CDH13: variants seen among roughly 807,000 people sequenced by gnomAD.
The protein encoded by CDH13 is cadherin 13, also known as cadherin-13.
CDH13 carries 24 observed loss-of-function variants against 63.8 expected under a neutral mutation model. The ratio of observed to expected loss-of-function variants is 0.38; its 90% confidence interval spans 0.27 to 0.53. CDH13 has a LOEUF of 0.53. Among genes scored for constraint, CDH13 ranks in the 20% least tolerant of loss-of-function variants. The pLI is 0.85. For missense variants in CDH13, 1,049 were observed against 903.1 expected (o/e 1.16, Z -2.07); for synonymous variants, 503 against 355.3 (o/e 1.42, Z -4.67).
intron 7 of CDH13, among the ~76,000 whole-genome samples, chr16:83,576,176 CCA>C (rs1567778083): frequency 6.6e-6 from 1 of 152,186 alleles, no homozygotes; most frequent in East Asian, 1.9e-4. Context: ...CTCCCTGACC[CCA>C]GTCCCTGGCT....
At chr16:82,926,237 T>TATTTAAA (rs2042300761) in intron 2 of CDH13, among the ~76,000 whole-genome samples, 4 of 148,906 alleles carry the variant, frequency 2.7e-5, no homozygotes, top group Admixed American at 2.7e-4. Context: ...CCCTAGACAA[T>TATTTAAA]ATTTAAAATG....
intron 6 of CDH13, among the ~76,000 whole-genome samples, chr16:83,366,172 C>T (rs2091254154): frequency 6.6e-6 from 1 of 152,166 alleles, no homozygotes; most frequent in Admixed American, 6.5e-5. Context: ...AAAGCACACA[C>T]ATTCATAAAC....
intron 5 of CDH13, among the ~76,000 whole-genome samples, chr16:83,251,177 A>T (rs921306655): frequency 6.6e-6 from 1 of 152,126 alleles, no homozygotes; most frequent in Non-Finnish European, 1.5e-5. Flanking sequence ...AGATATTGCC[A>T]TTGGGGGAAA....
At chr16:83,056,545 G>A (rs767985097) in intron 3 of CDH13, among the ~76,000 whole-genome samples, 8 of 152,108 alleles carry the variant, frequency 5.3e-5, no homozygotes, top group Non-Finnish European at 7.3e-5. Flanking sequence ...AAGCCAGATA[G>A]GGAAGGGAAT....
intron 5 of CDH13, among the ~76,000 whole-genome samples, chr16:83,309,620 C>T (rs1471646496): frequency 1.3e-5 from 2 of 152,206 alleles, no homozygotes; most frequent in African/African-American, 4.8e-5. Context: ...CGTGATCCAC[C>T]CACCTTGGCC....
chr16:83,237,238 G>A (rs1416706438), intron 5 of CDH13, among the ~76,000 whole-genome samples: 1 of 152,224 alleles, frequency 6.6e-6, no homozygotes, highest in Admixed American at 6.5e-5. Flanking sequence ...GCCTGTCTCA[G>A]CAAAGAGCTG....
intron 5 of CDH13, among the ~76,000 whole-genome samples, chr16:83,341,526 C>G (rs1466700798): frequency 6.6e-6 from 1 of 152,182 alleles, no homozygotes; most frequent in Non-Finnish European, 1.5e-5. Flanking sequence ...GATTTTAAAA[C>G]TGGATGAACC....
At chr16:83,517,048 C>T (rs1329703784) in intron 7 of CDH13, among the ~76,000 whole-genome samples, 1 of 152,104 alleles carries the variant, frequency 6.6e-6, no homozygotes, top group African/African-American at 2.4e-5. Flanking sequence ...GTCGTGTTTT[C>T]CCAGTTGTAG....
At chr16:83,087,234 G>A (rs8052955) in intron 3 of CDH13, among the ~76,000 whole-genome samples, 10 of 151,896 alleles carry the variant, frequency 6.6e-5, no homozygotes, top group Admixed American at 5.9e-4. Context: ...TTAATTTGAC[G>A]TGATAAAGTT....
chr16:82,889,080 T>C (rs1398220025), intron 2 of CDH13, among the ~76,000 whole-genome samples: 1 of 152,234 alleles, frequency 6.6e-6, no homozygotes, highest in African/African-American at 2.4e-5. Context: ...CTCTAATGAA[T>C]GAGAGTCACT....
At chr16:83,688,341 G>C (rs1028496549) in intron 10 of CDH13, among the ~76,000 whole-genome samples, 1 of 152,142 alleles carries the variant, frequency 6.6e-6, no homozygotes, top group African/African-American at 2.4e-5. Flanking sequence ...GAAACACAGG[G>C]GTTCAAAAAT....
intron 4 of CDH13, among the ~76,000 whole-genome samples, chr16:83,147,155 G>C (rs2036786104): frequency 6.6e-6 from 1 of 152,194 alleles, no homozygotes; most frequent in Non-Finnish European, 1.5e-5. Context: ...TGATTTTTGA[G>C]ATGTGTGAAG....
chr16:83,498,025 G>C (rs970392096), intron 7 of CDH13, among the ~76,000 whole-genome samples: 1 of 152,182 alleles, frequency 6.6e-6, no homozygotes. Flanking sequence ...ATTAAATCTA[G>C]CTCAAAATTT....
intron 6 of CDH13, among the ~76,000 whole-genome samples, chr16:83,392,648 C>T (rs1027902864): frequency 6.6e-6 from 1 of 152,208 alleles, no homozygotes. Flanking sequence ...GGGACCACGT[C>T]TTCCCAAGAC....
At chr16:83,022,258 T>C (rs1915412063) in intron 2 of CDH13, among the ~76,000 whole-genome samples, 2 of 152,202 alleles carry the variant, frequency 1.3e-5, no homozygotes, top group South Asian at 4.1e-4. Flanking sequence ...GATTAACCAA[T>C]ATGCAGGACC....
chr16:82,852,879 A>AC (rs1437011766), intron 1 of CDH13, among the ~76,000 whole-genome samples: 1 of 152,126 alleles, frequency 6.6e-6, no homozygotes. Flanking sequence ...CCAGTTGGCA[A>AC]CCTACAGTAT....
At position 83,342,435 on chromosome 16, in the gene CDH13, C is replaced by T. The variant is rs144413802; in HGVS notation, c.637-2427C>T. 7.5e-3 allele frequency among the ~76,000 whole-genome samples: 1,137 copies of T among 152,280 alleles called. 8 individuals are homozygous for T. The highest frequency in any genetic ancestry group is 0.011 in the Non-Finnish European group (747 of 68,028). ...TTTATTAAATTAACTTTAAGAAAAT[C>T]CCACTTAACAGCCCTTCACTGTTTT... On this transcript the variant is annotated intron_variant, in intron 5 of 13. Transcript: ENST00000567109.
At position 82,627,021 on chromosome 16, in the gene CDH13, C is replaced by G. The variant is rs747420745; in HGVS notation, c.-72C>G. 8.8e-5 allele frequency: 135 copies of G among 1,540,572 alleles called. No individual in the cohort carries two copies. The highest frequency in any genetic ancestry group is 1.2e-4 in the Non-Finnish European group (133 of 1,136,106). ...CAGAGCCTCTCCTCAAAGCCTGGCT[C>G]CCACGGAAAATATGCTCAGTGCAGC... On this transcript the variant is annotated 5_prime_UTR_variant, in exon 1 of 14. Transcript: ENST00000567109.
chr16:83,419,470 A>C (rs529302837), intron 6 of CDH13, among the ~76,000 whole-genome samples: 1 of 152,208 alleles, frequency 6.6e-6, no homozygotes, highest in South Asian at 2.1e-4. Context: ...GTTACCTTCT[A>C]CTTTTACATC....
Sources: gnomAD v4.1 joint callset for allele counts (sites outside exome capture counted in the v4.1 genomes callset) on GRCh38, gnomAD v4.1.1 for gene constraint, MANE v1.5 for transcripts, NCBI Gene and HGNC (gene_info 2026-07-23, HGNC 2026-07-21) for gene names.